KAZN: variants seen among roughly 807,000 people sequenced by gnomAD.
KAZN encodes kazrin, periplakin interacting protein, also known as kazrin.
In KAZN, 40 loss-of-function variants were observed where a neutral mutation model predicts 87.4. The ratio of observed to expected loss-of-function variants is 0.46; its 90% CI spans 0.36 to 0.60. The LOEUF is 0.60. Among genes scored for constraint, KAZN ranks in the 20% least tolerant of loss-of-function variants. KAZN has a pLI of 0.00. For missense variants in KAZN, 898 were observed against 1,073.9 expected (o/e 0.84, Z 2.29); for synonymous variants, 466 against 458.3 (o/e 1.02, Z -0.22).
chr1:14,862,144 C>T, intron 1 of KAZN, among the ~76,000 whole-genome samples: 1 of 152,318 alleles, frequency 6.6e-6, no homozygotes, highest in East Asian at 1.9e-4. Context: ...AAACAGTCCC[C>T]CTCCTCTCAA....
At chr1:14,338,500 AAAAAAG>A (rs1305122816) in intron 2 of KAZN, among the ~76,000 whole-genome samples, 2 of 141,986 alleles carry the variant, frequency 1.4e-5, no homozygotes, top group Non-Finnish European at 3.1e-5. Flanking sequence ...AAAAAAAAAA[AAAAAAG>A]AGAGAGAGAG....
chr1:14,016,931 C>A (rs1369918822), intron 1 of KAZN, among the ~76,000 whole-genome samples: 5 of 152,150 alleles, frequency 3.3e-5, no homozygotes, highest in South Asian at 4.1e-4. Flanking sequence ...GGAGCAGTTA[C>A]CATGAATAAA....
At chr1:14,816,459 C>T (rs1164108224) in intron 1 of KAZN, among the ~76,000 whole-genome samples, 1 of 152,136 alleles carries the variant, frequency 6.6e-6, no homozygotes, top group Non-Finnish European at 1.5e-5. Context: ...TGTTGACTGT[C>T]ACCCAGAGGC....
intron 2 of KAZN, among the ~76,000 whole-genome samples, chr1:14,421,117 A>G (rs1665395264): frequency 6.6e-6 from 1 of 152,242 alleles, no homozygotes; most frequent in Non-Finnish European, 1.5e-5. Context: ...GCCTTAGGTT[A>G]TAGCTAGAGC....
chr1:14,296,679 A>G lies in KAZN; in HGVS notation c.249+116087A>G, dbSNP rs1571245463. ...GAGACAAAATCTTGCTCTGTCACCC[A>G]GGCTGTAGTACAGTGGCATGATCGC... On this transcript the variant is annotated intron_variant, in intron 2 of 16. Transcript: ENST00000636203. Among the ~76,000 whole-genome samples, 4 of 113,860 alleles carry G rather than the reference A, an allele frequency of 3.5e-5. No individual in the cohort carries two copies. In the South Asian group the frequency reaches 1.1e-3, roughly 33 times the overall value. 74.7% of individuals were successfully genotyped at this position (113,860 alleles called of 152,430 possible). A position where few individuals can be genotyped will look rare whatever the true frequency, so the allele number is the denominator to read the frequency against.
At chr1:14,732,670 A>AT (rs982665757) in intron 1 of KAZN, among the ~76,000 whole-genome samples, 31 of 151,824 alleles carry the variant, frequency 2.0e-4, no homozygotes, top group Non-Finnish European at 4.0e-4. Context: ...AATGAAACTT[A>AT]TTTTTTTTCT....
At chr1:14,385,329 T>G (rs1227214023) in intron 2 of KAZN, among the ~76,000 whole-genome samples, 2 of 152,172 alleles carry the variant, frequency 1.3e-5, no homozygotes, top group Non-Finnish European at 2.9e-5. Flanking sequence ...CTGCTCTGAT[T>G]TTAGTTATTT....
At chr1:14,374,023 G>T (rs1660708718) in intron 2 of KAZN, among the ~76,000 whole-genome samples, 1 of 152,154 alleles carries the variant, frequency 6.6e-6, no homozygotes, top group African/African-American at 2.4e-5. Flanking sequence ...GTTCTTCGTG[G>T]TAGTTACTGA....
chr1:14,976,221 T>A (rs1665608203), intron 2 of KAZN, among the ~76,000 whole-genome samples: 1 of 152,082 alleles, frequency 6.6e-6, no homozygotes, highest in South Asian at 2.1e-4. Flanking sequence ...CAGGCTGGAG[T>A]GCAGTGGCAT....
intron 1 of KAZN, among the ~76,000 whole-genome samples, chr1:14,793,702 C>G (rs967344118): frequency 2.0e-5 from 3 of 152,132 alleles, no homozygotes; most frequent in Non-Finnish European, 2.9e-5. Flanking sequence ...TGAGACAGAT[C>G]AGAACAGGGC....
intron 1 of KAZN, among the ~76,000 whole-genome samples, chr1:14,696,402 G>C (rs1641604726): frequency 6.6e-6 from 1 of 152,218 alleles, no homozygotes; most frequent in Non-Finnish European, 1.5e-5. Context: ...TGAGGAGGTG[G>C]GAAACTGTAT....
chr1:14,375,040 G>T (rs1209196592), intron 2 of KAZN, among the ~76,000 whole-genome samples: 1 of 152,180 alleles, frequency 6.6e-6, no homozygotes, highest in African/African-American at 2.4e-5. Context: ...CTTGGCTTGG[G>T]AATCTGTTGC....
At chr1:15,076,354 G>A (rs571819915) in intron 8 of KAZN, among the ~76,000 whole-genome samples, 1 of 152,344 alleles carries the variant, frequency 6.6e-6, no homozygotes, top group South Asian at 2.1e-4. Flanking sequence ...GCCTCCTACA[G>A]GGAGGGGCTT....
chr1:15,003,131 G>C (rs1162496448), intron 2 of KAZN, among the ~76,000 whole-genome samples: 1 of 152,174 alleles, frequency 6.6e-6, no homozygotes, highest in Non-Finnish European at 1.5e-5. Flanking sequence ...GCAGAGCTGG[G>C]ATTTGGACTT....
At chr1:15,086,218 G>T (rs10803351) in intron 8 of KAZN, among the ~76,000 whole-genome samples, 48,880 of 151,762 alleles carry the variant, frequency 0.32, 9,752 homozygotes, top group East Asian at 0.91. Context: ...TAATCCACCT[G>T]CCTCGGCCTC....
At chr1:14,971,867 C>T (rs926252147) in intron 2 of KAZN, among the ~76,000 whole-genome samples, 2 of 152,010 alleles carry the variant, frequency 1.3e-5, no homozygotes, top group African/African-American at 2.4e-5. Context: ...AGGTTGCTCT[C>T]TTGGCCACAC....
At chr1:14,857,534 C>CAAAT (rs56861974) in intron 1 of KAZN, among the ~76,000 whole-genome samples, 68,980 of 150,290 alleles carry the variant, frequency 0.46, 17,539 homozygotes, top group African/African-American at 0.67. Flanking sequence ...CACACTCTCA[C>CAAAT]AAATAAATAA....
chr1:14,401,489 T>G (rs1663404380), intron 2 of KAZN, among the ~76,000 whole-genome samples: 1 of 151,912 alleles, frequency 6.6e-6, no homozygotes, highest in Non-Finnish European at 1.5e-5. Flanking sequence ...GAGCCTTACC[T>G]AAGGAATGCA....
At chr1:14,956,709 T>C (rs1317700786) in intron 1 of KAZN, among the ~76,000 whole-genome samples, 1 of 152,128 alleles carries the variant, frequency 6.6e-6, no homozygotes, top group Admixed American at 6.5e-5. Flanking sequence ...AAATAGACTC[T>C]TAGTGACAGC....
Sources: gnomAD v4.1 joint callset for allele counts (sites outside exome capture counted in the v4.1 genomes callset) on GRCh38, gnomAD v4.1.1 for gene constraint, MANE v1.5 for transcripts, NCBI Gene and HGNC (gene_info 2026-07-23, HGNC 2026-07-21) for gene names.